The following PIK3C2G variants were observed in gnomAD, a reference collection of about 807,000 sequenced individuals.
The protein encoded by PIK3C2G is phosphatidylinositol-4-phosphate 3-kinase catalytic subunit type 2 gamma.
PIK3C2G carries 168 observed loss-of-function variants against 181.1 expected under a neutral mutation model. The observed-to-expected ratio is 0.93, with a 90% confidence interval of 0.82 to 1.05. PIK3C2G has a LOEUF of 1.05. Ranked by LOEUF, PIK3C2G falls within the 50% of genes least tolerant of loss-of-function variation. PIK3C2G has a pLI of 0.00. For synonymous variants in PIK3C2G, 573 were observed against 592.2 expected (o/e 0.97, Z 0.47); for missense variants, 1,869 against 1,732.8 (o/e 1.08, Z -1.40).
intron 10 of PIK3C2G, among the ~76,000 whole-genome samples, chr12:18,344,919 A>T (rs142554849): frequency 2.2e-4 from 34 of 152,296 alleles, no homozygotes; most frequent in African/African-American, 7.5e-4. Flanking sequence ...ATAAGCATAC[A>T]TCTCTATGCA....
intron 1 of PIK3C2G, 55 bp downstream of exon 1, chr12:18,261,632 C>T (rs984095070): frequency 3.3e-5 from 5 of 151,972 alleles, no homozygotes; most frequent in East Asian, 1.9e-4. Context: ...CATGATATTT[C>T]GACTCAAATA....
At chr12:18,413,506 T>A (rs892781542) in intron 16 of PIK3C2G, among the ~76,000 whole-genome samples, 1 of 152,134 alleles carries the variant, frequency 6.6e-6, no homozygotes, top group Non-Finnish European at 1.5e-5. Context: ...TAATGAAATT[T>A]TATTGACCTT....
chr12:18,493,605 T>G (rs1043560513), intron 20 of PIK3C2G: 1 of 152,242 alleles, frequency 6.6e-6, no homozygotes, highest in Non-Finnish European at 1.5e-5. Context: ...AATGATAGTG[T>G]GAAAGCTGTT....
chr12:18,289,059 C>T (rs1303785179), intron 3 of PIK3C2G, among the ~76,000 whole-genome samples: 1 of 152,038 alleles, frequency 6.6e-6, no homozygotes, highest in Non-Finnish European at 1.5e-5. Context: ...TGTTTGTTGG[C>T]AAATATTTAT....
intron 23 of PIK3C2G, among the ~76,000 whole-genome samples, chr12:18,504,493 C>A (rs1941698131): frequency 6.6e-6 from 1 of 152,046 alleles, no homozygotes; most frequent in African/African-American, 2.4e-5. Flanking sequence ...TGTAGGAAAC[C>A]TAGAACTAAG....
Position 18,496,051 on chromosome 12 carries a change from T to G in PIK3C2G, c.2794-11T>G. On this transcript the variant is annotated splice_polypyrimidine_tract_variant and intron_variant, in intron 20 of 32. Transcript: ENST00000538779. Reference sequence around the variant, plus strand: ...TTTGCTCACTAGTTTTCCCTTTTTCTTTTCCTATAGGCATGTTCATATTTT... The same window carrying G: ...TTTGCTCACTAGTTTTCCCTTTTTCGTTTCCTATAGGCATGTTCATATTTT... The G allele has an allele frequency of 1.4e-6, 2 of 1,429,992 alleles. No homozygotes were observed. The highest frequency in any genetic ancestry group is 2.7e-5 in the South Asian group (2 of 73,232). 88.6% of individuals were successfully genotyped at this position (1,429,992 alleles called of 1,614,324 possible).
At chr12:18,512,507 A>G (rs532047147) in intron 24 of PIK3C2G, among the ~76,000 whole-genome samples, 1 of 152,110 alleles carries the variant, frequency 6.6e-6, no homozygotes, top group Non-Finnish European at 1.5e-5. Flanking sequence ...TTCACTATAC[A>G]AGTCCTTTAC....
chr12:18,328,103 T>G, intron 8 of PIK3C2G, among the ~76,000 whole-genome samples: 1 of 151,984 alleles, frequency 6.6e-6, no homozygotes, highest in South Asian at 2.1e-4. Flanking sequence ...ATCTAGTAAT[T>G]GTTGAATTTA....
At chr12:18,317,709 G>A (rs976615115) in intron 6 of PIK3C2G, among the ~76,000 whole-genome samples, 6 of 152,276 alleles carry the variant, frequency 3.9e-5, no homozygotes, top group South Asian at 2.1e-4. Flanking sequence ...AGCTCTGATC[G>A]TTAGAAACGA....
In PIK3C2G at chr12:18,306,198, G is replaced by C. The variant is rs545614996; in HGVS notation, c.1035-7764G>C. Among the ~76,000 whole-genome samples, 63 of 152,024 alleles carry C rather than the reference G, an allele frequency of 4.1e-4. No homozygotes were observed. In the Middle Eastern group the frequency reaches 0.02, roughly 49 times the overall value. The stretch of plus-strand genomic sequence containing the variant: ...ATAGTTGCCTTTTTATAGGCTTGTG[G>C]GAAGTCTTAAGAAAAATAGGGCATT... On this transcript the variant is annotated intron_variant, in intron 5 of 32. Coordinates refer to ENST00000538779, the MANE Select transcript of PIK3C2G (RefSeq NM_001288772.2).
chr12:18,430,904 A>G (rs969664678), intron 18 of PIK3C2G, among the ~76,000 whole-genome samples: 1 of 152,154 alleles, frequency 6.6e-6, no homozygotes, highest in Non-Finnish European at 1.5e-5. Context: ...TGTGACTTTA[A>G]TATGCTATCC....
intron 18 of PIK3C2G, among the ~76,000 whole-genome samples, chr12:18,430,868 G>A (rs1013727950): frequency 2.0e-5 from 3 of 152,238 alleles, no homozygotes; most frequent in African/African-American, 7.2e-5. Context: ...GTTGTCTCTG[G>A]TACAGGGTAT....
intron 15 of PIK3C2G, among the ~76,000 whole-genome samples, chr12:18,396,685 G>A (rs1274909921): frequency 6.6e-6 from 1 of 151,352 alleles, no homozygotes; most frequent in East Asian, 1.9e-4. Context: ...GTTACTTACT[G>A]TAACAAAATT....
chr12:18,649,666 T>G (rs762940832), downstream of PIK3C2G, among the ~76,000 whole-genome samples: 2 of 152,162 alleles, frequency 1.3e-5, no homozygotes, highest in Non-Finnish European at 2.9e-5. Context: ...TCCCACCATT[T>G]CAATGAAACT....
At chr12:18,551,267 T>C (rs1421913289) in intron 26 of PIK3C2G, among the ~76,000 whole-genome samples, 1 of 152,078 alleles carries the variant, frequency 6.6e-6, no homozygotes, top group Non-Finnish European at 1.5e-5. Context: ...GTAATATCTC[T>C]GCAGAGACCA....
intron 29 of PIK3C2G, among the ~76,000 whole-genome samples, chr12:18,579,007 A>G (rs1209952718): frequency 6.6e-6 from 1 of 152,134 alleles, no homozygotes; most frequent in African/African-American, 2.4e-5. Flanking sequence ...ATACGCTTCT[A>G]CACTAAAACA....
At chr12:18,558,265 T>C (rs1945116430) in intron 26 of PIK3C2G, among the ~76,000 whole-genome samples, 1 of 152,156 alleles carries the variant, frequency 6.6e-6, no homozygotes, top group South Asian at 2.1e-4. Flanking sequence ...TCTTTGCAAG[T>C]TAAAAAATTG....
chr12:18,531,747 A>G (rs1162393769), intron 24 of PIK3C2G, among the ~76,000 whole-genome samples: 1 of 152,208 alleles, frequency 6.6e-6, no homozygotes, highest in Admixed American at 6.5e-5. Flanking sequence ...ATTTCTTAAT[A>G]TGTATGTACC....
At chr12:18,549,921 C>A (rs954351277) in intron 26 of PIK3C2G, among the ~76,000 whole-genome samples, 1 of 151,266 alleles carries the variant, frequency 6.6e-6, no homozygotes, top group African/African-American at 2.4e-5. Flanking sequence ...ATGCCATGAG[C>A]CTCTCTCTAC....
Sources: gnomAD v4.1 joint callset for allele counts (sites outside exome capture counted in the v4.1 genomes callset) on GRCh38, gnomAD v4.1.1 for gene constraint, MANE v1.5 for transcripts, NCBI Gene and HGNC (gene_info 2026-07-23, HGNC 2026-07-21) for gene names.